Variants in KSR2 observed in about 807,000 individuals in gnomAD.
KSR2 encodes kinase suppressor of ras 2.
KSR2 carries 25 observed loss-of-function variants against 107.8 expected under a neutral mutation model. That is an observed-to-expected ratio of 0.23 (90% CI 0.17 to 0.32). KSR2 has a LOEUF of 0.32. Ranked by LOEUF, KSR2 falls within the 10% of genes least tolerant of loss-of-function variation. The pLI is 1.00. For missense variants in KSR2, 887 were observed against 1,268.9 expected (o/e 0.70, Z 4.57); for synonymous variants, 480 against 507.0 (o/e 0.95, Z 0.71).
Position 117,612,115 on chromosome 12 carries a change from T to C in KSR2, c.1172-29756A>G, listed in dbSNP as rs529926815. Among the ~76,000 whole-genome samples the C allele has an allele frequency of 2.6e-5, 4 of 152,184 alleles. No individual in the cohort carries two copies. The South Asian group carries it at 8.3e-4, about 32-fold the overall frequency. On this transcript the variant is annotated intron_variant, in intron 5 of 19. Transcript: ENST00000339824. ...GTACTCTAAAAAATGGTTAAAGTGGTATATCTCATCCAGGCGCAGTGGCTC... is the reference window on the plus strand; with the variant it reads ...GTACTCTAAAAAATGGTTAAAGTGGCATATCTCATCCAGGCGCAGTGGCTC...
chr12:117,794,964 T>C (rs1345678133), intron 3 of KSR2, among the ~76,000 whole-genome samples: 1 of 152,210 alleles, frequency 6.6e-6, no homozygotes, highest in Non-Finnish European at 1.5e-5. Context: ...AGAACACTGC[T>C]AATGGTTTTC....
intron 4 of KSR2, among the ~76,000 whole-genome samples, chr12:117,678,743 T>C (rs1156419893): frequency 1.3e-5 from 2 of 152,134 alleles, no homozygotes; most frequent in African/African-American, 2.4e-5. Flanking sequence ...AGGTTTTCTG[T>C]GGGTGAGGAC....
intron 3 of KSR2, among the ~76,000 whole-genome samples, chr12:117,836,987 A>G (rs1246453287): frequency 2.0e-5 from 3 of 152,166 alleles, no homozygotes; most frequent in African/African-American, 2.4e-5. Flanking sequence ...CTGCATTTCA[A>G]TGTTCCTTCT....
At chr12:117,669,362 C>T (rs978569017) in intron 4 of KSR2, among the ~76,000 whole-genome samples, 4 of 152,116 alleles carry the variant, frequency 2.6e-5, no homozygotes, top group Admixed American at 2.0e-4. Context: ...AATAACTACG[C>T]CCTCAAGAAT....
intron 9 of KSR2, among the ~76,000 whole-genome samples, chr12:117,551,167 G>A (rs1367220777): frequency 1.3e-5 from 2 of 152,192 alleles, no homozygotes; most frequent in Non-Finnish European, 2.9e-5. Context: ...GGAATTGGCA[G>A]ATGCTACTGT....
chr12:117,761,451 C>G lies in KSR2; in HGVS notation c.546G>C (p.Val182=). The G allele has an allele frequency of 6.2e-7, 1 of 1,612,882 alleles. No individual in the cohort carries two copies. The highest frequency in any genetic ancestry group is 8.5e-7 in the Non-Finnish European group (1 of 1,179,588). The change falls in exon 4 of 20, where the codon GTG becomes GTC. Residue 182 remains valine (V), a synonymous_variant. Transcript: ENST00000339824. ...TTETGKENNP[V]CPPEPTPWIR... ...TCCACGGGGTGGGCTCCGGGGGGCA[C>G]ACGGGATTGTTCTCCTTCCCCGTCT...
chr12:117,759,057 C>A (rs1406797489), intron 4 of KSR2, among the ~76,000 whole-genome samples: 1 of 152,242 alleles, frequency 6.6e-6, no homozygotes, highest in Non-Finnish European at 1.5e-5. Flanking sequence ...CATCTATCCT[C>A]TGCTTCACCC....
chr12:117,727,243 C>T (rs915823712), intron 4 of KSR2, among the ~76,000 whole-genome samples: 28 of 150,688 alleles, frequency 1.9e-4, no homozygotes, highest in African/African-American at 5.1e-4. Flanking sequence ...GGCATGATGG[C>T]GGGCACCTGT....
intron 4 of KSR2, among the ~76,000 whole-genome samples, chr12:117,756,239 T>C (rs140511853): frequency 5.6e-4 from 85 of 152,356 alleles, no homozygotes; most frequent in African/African-American, 2.0e-3. Flanking sequence ...AACGATGCCA[T>C]CTAGGACTCT....
At position 117,861,010 on chromosome 12, in the gene KSR2, C is replaced by T. The variant is rs142794661; in HGVS notation, c.181-579G>A. ...CTGAGATTACAGGCGTGAGCCACTG[C>T]GCCCGGCCTGCACACATGCTTTGAT... On this transcript the variant is annotated intron_variant, in intron 1 of 19. Coordinates refer to ENST00000339824, the MANE Select transcript of KSR2 (RefSeq NM_173598.6). Among the ~76,000 whole-genome samples the T allele has an allele frequency of 4.9e-3, 740 of 152,308 alleles. 22 individuals carry two copies. In the East Asian group the frequency reaches 0.055, roughly 11 times the overall value.
rs187354111 is a variant in KSR2 at position 117,484,478 on chromosome 12, G to A, written c.2388C>T (p.Asn796=). Residue 796 remains asparagine (N), a synonymous_variant, in exon 16 of 20, where the codon AAC becomes AAT. Coordinates refer to ENST00000339824, the MANE Select transcript of KSR2 (RefSeq NM_173598.6). ...CAAAGTCCGTGATGACCACTTTGCC[G>A]TTGTCATAGAAGACGTTCTTTGACT... is the stretch of plus-strand genomic sequence containing the variant. ...DLKSKNVFYD[N]GKVVITDFGL... 153 of 1,613,910 alleles carry A rather than the reference G, an allele frequency of 9.5e-5. No individual in the cohort carries two copies. Among genetic ancestry groups the A allele is most frequent in the Middle Eastern group, 4.9e-4 (3 of 6,062 alleles).
At chr12:117,538,890 G>A (rs1876248460) in intron 10 of KSR2, among the ~76,000 whole-genome samples, 1 of 152,108 alleles carries the variant, frequency 6.6e-6, no homozygotes, top group South Asian at 2.1e-4. Context: ...TGGCTGAGTT[G>A]GAAGCATTCT....
chr12:117,965,066 T>G (rs1896751150), intron 1 of KSR2, among the ~76,000 whole-genome samples: 1 of 152,208 alleles, frequency 6.6e-6, no homozygotes, highest in Non-Finnish European at 1.5e-5. Context: ...CCGGGCTCCC[T>G]TGCAGCTAGG....
intron 3 of KSR2, among the ~76,000 whole-genome samples, chr12:117,832,730 G>A (rs1315585080): frequency 2.6e-5 from 4 of 152,192 alleles, no homozygotes; most frequent in Admixed American, 2.6e-4. Flanking sequence ...CCCTTCCTAA[G>A]TCATCTCACT....
intron 5 of KSR2, among the ~76,000 whole-genome samples, chr12:117,667,111 G>A (rs777485613): frequency 6.6e-6 from 1 of 152,202 alleles, no homozygotes; most frequent in Non-Finnish European, 1.5e-5. Flanking sequence ...TAATCAGGCA[G>A]CTGAGAGACA....
intron 9 of KSR2, among the ~76,000 whole-genome samples, chr12:117,551,502 C>T (rs2137322363): frequency 6.6e-6 from 1 of 152,230 alleles, no homozygotes; most frequent in East Asian, 1.9e-4. Flanking sequence ...AGATAACTGG[C>T]CCACAGTCGT....
intron 3 of KSR2, among the ~76,000 whole-genome samples, chr12:117,834,135 T>A (rs1283070840): frequency 2.0e-5 from 3 of 147,756 alleles, no homozygotes; most frequent in Admixed American, 2.0e-4. Context: ...AGTGAGACCC[T>A]GTCTCAAAAA....
chr12:117,954,204 C>T (rs1896442897), intron 1 of KSR2, among the ~76,000 whole-genome samples: 1 of 152,140 alleles, frequency 6.6e-6, no homozygotes, highest in African/African-American at 2.4e-5. Flanking sequence ...TAAATCTGGA[C>T]ACTGGGCAAA....
At chr12:117,884,733 T>C (rs752792283) in intron 1 of KSR2, among the ~76,000 whole-genome samples, 2 of 152,336 alleles carry the variant, frequency 1.3e-5, no homozygotes, top group East Asian at 1.9e-4. Flanking sequence ...GGCTGTGGCA[T>C]AGCGAGTGGA....
Sources: allele counts gnomAD v4.1 joint callset (sites outside exome capture counted in the v4.1 genomes callset), GRCh38; gene constraint gnomAD v4.1.1; transcripts MANE v1.5; gene names NCBI Gene and HGNC (gene_info 2026-07-23, HGNC 2026-07-21).